SBF2: variants seen among roughly 807,000 people sequenced by gnomAD.
SBF2 encodes SET binding factor 2.
SBF2 carries 112 observed loss-of-function variants against 225.2 expected under a neutral mutation model. The ratio of observed to expected loss-of-function variants is 0.50; its 90% confidence interval spans 0.43 to 0.58. SBF2 has a LOEUF of 0.58. Among genes scored for constraint, SBF2 ranks in the 20% least tolerant of loss-of-function variants. The probability of loss-of-function intolerance (pLI) is 0.00; values close to 1 mark genes in which losing one functional copy is unlikely to be tolerated. For synonymous variants in SBF2, 763 were observed against 773.3 expected (o/e 0.99, Z 0.22); for missense variants, 1,996 against 2,206.2 (o/e 0.90, Z 1.91).
chr11:10,220,165 G>A (rs981220619), intron 1 of SBF2, among the ~76,000 whole-genome samples: 3 of 152,234 alleles, frequency 2.0e-5, no homozygotes, highest in African/African-American at 7.2e-5. Context: ...CAAAGGAGAT[G>A]CAAAGGAACA....
intron 1 of SBF2, among the ~76,000 whole-genome samples, chr11:10,248,922 C>T (rs750741193): frequency 2.0e-5 from 3 of 151,992 alleles, no homozygotes; most frequent in African/African-American, 4.8e-5. Context: ...AGTGAAACCC[C>T]GTCACTACTA....
chr11:10,102,300 T>C (rs577573498), intron 2 of SBF2, among the ~76,000 whole-genome samples: 2 of 152,360 alleles, frequency 1.3e-5, no homozygotes, highest in African/African-American at 2.4e-5. Context: ...AGACCTCATC[T>C]GCACTTCTGT....
chr11:10,235,527 C>CAAAA (rs797015174), intron 1 of SBF2, among the ~76,000 whole-genome samples: 380 of 80,566 alleles, frequency 4.7e-3, no homozygotes, highest in Non-Finnish European at 8.1e-3. Context: ...GACTCCATCT[C>CAAAA]AAAAAAAAAA....
At chr11:10,256,602 C>G (rs1960887466) in intron 1 of SBF2, among the ~76,000 whole-genome samples, 1 of 152,176 alleles carries the variant, frequency 6.6e-6, no homozygotes, top group South Asian at 2.1e-4. Context: ...CCACTAAGAG[C>G]ACTGTTTGCC....
rs190499085 is a variant in SBF2 at position 10,270,685 on chromosome 11, T to C, written c.55+23330A>G. On this transcript the variant is annotated intron_variant, in intron 1 of 39. Transcript: ENST00000256190. ...AGCTTATATAAATGGATAGATGCTA[T>C]AAACATGTTTTTAAGAAGTAAAATG... 5.3e-4 allele frequency among the ~76,000 whole-genome samples: 81 copies of C among 152,312 alleles called. No homozygotes were observed. The East Asian group carries it at 0.011, about 21-fold the overall frequency.
intron 1 of SBF2, among the ~76,000 whole-genome samples, chr11:10,235,351 G>A (rs932933465): frequency 5.9e-5 from 9 of 152,036 alleles, no homozygotes; most frequent in South Asian, 2.1e-4. Flanking sequence ...CCTCACCAAC[G>A]TGGAGAAACC....
intron 2 of SBF2, among the ~76,000 whole-genome samples, chr11:10,081,099 C>G (rs1212946266): frequency 6.6e-6 from 1 of 152,090 alleles, no homozygotes; most frequent in Admixed American, 6.5e-5. Context: ...GACCTATAGA[C>G]ATTTACAGAA....
intron 1 of SBF2, among the ~76,000 whole-genome samples, chr11:10,290,764 A>C (rs1043708776): frequency 1.3e-5 from 2 of 152,202 alleles, no homozygotes; most frequent in Non-Finnish European, 2.9e-5. Flanking sequence ...CATAGTTTTC[A>C]ATATACAGAG....
rs767309728 is a variant in SBF2, at chr11:9,853,682, A to G, written c.2394T>C (p.Asp798=). Residue 798 remains aspartate, a synonymous_variant, in exon 20 of 40, where the codon GAT becomes GAC. Coordinates refer to ENST00000256190, the MANE Select transcript of SBF2 (RefSeq NM_030962.4). ...SIAGSVAESY[D]TESGFEDSEN... The stretch of plus-strand genomic sequence containing the variant: ...CTGAATCTTCAAACCCACTCTCTGT[A>G]TCATAGCTCTCAGCTACACTTCCTG... 1.9e-5 allele frequency: 30 copies of G among 1,614,046 alleles called. No homozygotes were observed. Among genetic ancestry groups the G allele is most frequent in the Non-Finnish European group, 2.5e-5 (29 of 1,179,942 alleles).
chr11:9,844,371 C>T (rs1046607940), intron 24 of SBF2, among the ~76,000 whole-genome samples: 2 of 152,188 alleles, frequency 1.3e-5, no homozygotes, highest in African/African-American at 4.8e-5. Context: ...GTCTGCAAAG[C>T]TCTCCCTAGT....
intron 13 of SBF2, among the ~76,000 whole-genome samples, chr11:9,982,028 T>G (rs1377603483): frequency 2.0e-5 from 3 of 152,254 alleles, no homozygotes; most frequent in African/African-American, 7.2e-5. Context: ...CTCTGTCATT[T>G]TATGCTCTTT....
At chr11:9,867,778 T>C (rs1243154197) in intron 17 of SBF2, among the ~76,000 whole-genome samples, 1 of 152,080 alleles carries the variant, frequency 6.6e-6, no homozygotes, top group Non-Finnish European at 1.5e-5. Context: ...AGGATAAATA[T>C]CACATTTTCA....
intron 2 of SBF2, among the ~76,000 whole-genome samples, chr11:10,185,115 G>C (rs981763664): frequency 2.7e-5 from 4 of 150,836 alleles, no homozygotes; most frequent in African/African-American, 9.7e-5. Context: ...ATTCTGGGGG[G>C]GGGTGTGTGT....
chr11:9,971,730 A>G (rs1946467627), intron 13 of SBF2, among the ~76,000 whole-genome samples: 1 of 152,184 alleles, frequency 6.6e-6, no homozygotes, highest in Non-Finnish European at 1.5e-5. Context: ...ACTTCTAGTC[A>G]AAATCTCTAA....
intron 35 of SBF2, 98 bp from the exon 36 acceptor site, chr11:9,787,836 T>C (rs1333740991): frequency 1.5e-5 from 15 of 1,014,488 alleles, no homozygotes; most frequent in Non-Finnish European, 2.1e-5. Context: ...ATGAGCAGCA[T>C]GGCCAGAGGG....
At chr11:10,222,982 G>A (rs866743178) in intron 1 of SBF2, among the ~76,000 whole-genome samples, 1 of 152,058 alleles carries the variant, frequency 6.6e-6, no homozygotes, top group Middle Eastern at 3.4e-3. Context: ...CATCTTCAGA[G>A]ACGTTTTATC....
chr11:10,163,731 A>T (rs775070251), intron 2 of SBF2, among the ~76,000 whole-genome samples: 1 of 152,184 alleles, frequency 6.6e-6, no homozygotes, highest in Non-Finnish European at 1.5e-5. Context: ...ATAAGGATCA[A>T]ATGACTTAAT....
At chr11:10,148,771 T>C (rs1177104170) in intron 2 of SBF2, among the ~76,000 whole-genome samples, 2 of 152,114 alleles carry the variant, frequency 1.3e-5, no homozygotes, top group African/African-American at 4.8e-5. Flanking sequence ...TGGAAAATAT[T>C]CAGTGGTTGC....
At chr11:9,830,775 C>CAAAAA (rs896636140) in intron 27 of SBF2, among the ~76,000 whole-genome samples, 1 of 145,412 alleles carries the variant, frequency 6.9e-6, no homozygotes, top group African/African-American at 2.5e-5. Context: ...CAAAACAAAA[C>CAAAAA]AAAAAACAAA....
Sources: gnomAD v4.1 joint callset for allele counts (sites outside exome capture counted in the v4.1 genomes callset) on GRCh38, gnomAD v4.1.1 for gene constraint, MANE v1.5 for transcripts, NCBI Gene and HGNC (gene_info 2026-07-23, HGNC 2026-07-21) for gene names.